Variants in AFAP1L2 observed in about 807,000 individuals in gnomAD.
The protein encoded by AFAP1L2 is actin filament-associated protein 1-like 2.
AFAP1L2 carries 46 observed loss-of-function variants against 99.3 expected under a neutral mutation model. The ratio of observed to expected loss-of-function variants is 0.46; its 90% CI spans 0.37 to 0.59. The LOEUF (loss-of-function observed/expected upper bound fraction) is 0.59. Among genes scored for constraint, AFAP1L2 ranks in the 20% least tolerant of loss-of-function variants. AFAP1L2 has a pLI of 0.00. For missense variants in AFAP1L2, 959 were observed against 1,034.9 expected, an observed-to-expected ratio of 0.93 and a Z score of 1.01; for synonymous variants, 397 against 419.1, an observed-to-expected ratio of 0.95 and a Z score of 0.64.
At chr10:114,287,194 C>A in the AFAP1L2 span, among the ~76,000 whole-genome samples, 3 of 151,916 alleles carry the variant, frequency 2.0e-5, no homozygotes, top group Non-Finnish European at 2.9e-5. Context: ...TCTTTTTTTT[C>A]TTTTGAGACA....
chr10:114,290,324 G>C (rs1485055230), downstream of AFAP1L2: 7 of 1,550,616 alleles, frequency 4.5e-6, no homozygotes, highest in Admixed American at 5.9e-5. Flanking sequence ...AGCTACCGCT[G>C]CAAGTGTCGG....
At chr10:114,323,498 C>A (rs2045721986) in intron 4 of AFAP1L2, among the ~76,000 whole-genome samples, 2 of 152,326 alleles carry the variant, frequency 1.3e-5, no homozygotes, top group South Asian at 4.1e-4. Context: ...CAAGACTCAG[C>A]TTTCTCCCCT....
chr10:114,322,070 T>A (rs1412056048), intron 5 of AFAP1L2, among the ~76,000 whole-genome samples: 1 of 152,174 alleles, frequency 6.6e-6, no homozygotes, highest in African/African-American at 2.4e-5. Context: ...TCTGACGGTT[T>A]TATAAAGGGG....
chr10:114,311,780 C>T (rs961094856), intron 7 of AFAP1L2, among the ~76,000 whole-genome samples: 11 of 152,306 alleles, frequency 7.2e-5, no homozygotes, highest in South Asian at 6.2e-4. Flanking sequence ...TTACTGGGAC[C>T]GTCGTCCCAT....
chr10:114,327,457 T>C (rs375720018), intron 4 of AFAP1L2, among the ~76,000 whole-genome samples: 19 of 151,818 alleles, frequency 1.3e-4, no homozygotes, highest in Admixed American at 9.2e-4. Context: ...TAAATGAAGA[T>C]CCAGAAGAGA....
intron 2 of AFAP1L2, among the ~76,000 whole-genome samples, chr10:114,338,748 C>T (rs905035282): frequency 1.3e-5 from 2 of 152,144 alleles, no homozygotes; most frequent in South Asian, 2.1e-4. Context: ...TTGTGTTGGG[C>T]GGCTGGGAAT....
chr10:114,288,846 C>T, the AFAP1L2 span: 5 of 1,425,852 alleles, frequency 3.5e-6, no homozygotes, highest in Non-Finnish European at 4.8e-6. Flanking sequence ...CCTGGCTGAC[C>T]TTGGTCCTAC....
intron 5 of AFAP1L2, among the ~76,000 whole-genome samples, chr10:114,322,659 G>C (rs533394036): frequency 9.2e-5 from 14 of 152,162 alleles, no homozygotes; most frequent in Non-Finnish European, 2.1e-4. Context: ...CTGTTTATTT[G>C]TTGTCTGTTT....
intron 2 of AFAP1L2, among the ~76,000 whole-genome samples, chr10:114,335,395 G>A (rs537551697): frequency 1.2e-4 from 18 of 151,992 alleles, no homozygotes; most frequent in East Asian, 5.8e-4. Context: ...GGCGGATCAC[G>A]AGGTCAGGAG....
chr10:114,332,693 A>C (rs2047412617), intron 3 of AFAP1L2, among the ~76,000 whole-genome samples: 1 of 152,212 alleles, frequency 6.6e-6, no homozygotes, highest in Non-Finnish European at 1.5e-5. Flanking sequence ...TGGAGGTTTT[A>C]AGGGAAAAGC....
rs541583233 is a variant in AFAP1L2, at chr10:114,341,363, C to T, written c.17-632G>A. 9.2e-5 allele frequency among the ~76,000 whole-genome samples: 14 copies of T among 152,298 alleles called. No individual in the cohort carries two copies. The South Asian group carries it at 2.5e-3, about 27-fold the overall frequency. ...GCACAGTGGCTCACACCTGTAATCC[C>T]AGCACTTTGGGAGGCTGAGGCGGGT... is the stretch of plus-strand genomic sequence containing the variant. On this transcript the variant is annotated intron_variant, in intron 1 of 18. Coordinates refer to ENST00000304129, the MANE Select transcript of AFAP1L2 (RefSeq NM_001001936.3).
chr10:114,300,428 G>A lies in AFAP1L2; in HGVS notation c.1788+17C>T. The A allele has an allele frequency of 6.8e-7, 1 of 1,479,576 alleles. No individual in the cohort carries two copies. Among genetic ancestry groups the A allele is most frequent in the Non-Finnish European group, 8.9e-7 (1 of 1,120,826 alleles). The allele number at this position is 1,479,576 out of a possible 1,614,324, so 91.7% of individuals were successfully genotyped here. A position where few individuals can be genotyped will look rare whatever the true frequency, so the allele number is the denominator to read the frequency against. On this transcript the variant is annotated intron_variant, in intron 14 of 18. Coordinates refer to ENST00000304129, the MANE Select transcript of AFAP1L2 (RefSeq NM_001001936.3). ...CGCAGGAAGGTGGTCTTGCTGTCCTGCAGGGGAGGCCTGTACCTGTTCTCC... is the reference window on the plus strand; with the variant it reads ...CGCAGGAAGGTGGTCTTGCTGTCCTACAGGGGAGGCCTGTACCTGTTCTCC...
chr10:114,295,926 A>G lies in AFAP1L2; in HGVS notation c.*116T>C. ...TGAAGCTCTCCATTCACAGTACCTC[A>G]GTCTTTGCTTTTTCTTCTAAACAGA... On this transcript the variant is annotated 3_prime_UTR_variant, in exon 19 of 19. Transcript: ENST00000304129. 1 of 1,595,492 alleles carries G rather than the reference A, an allele frequency of 6.3e-7. No homozygotes were observed. Among genetic ancestry groups the G allele is most frequent in the Non-Finnish European group, 8.6e-7 (1 of 1,169,420 alleles).
At chr10:114,403,639 C>A (rs1468619400) in intron 1 of AFAP1L2, among the ~76,000 whole-genome samples, 4 of 152,160 alleles carry the variant, frequency 2.6e-5, no homozygotes, top group African/African-American at 9.7e-5. Flanking sequence ...GAACCGCAAT[C>A]GAGACTTGTA....
intron 1 of AFAP1L2, among the ~76,000 whole-genome samples, chr10:114,378,223 A>G (rs1242750556): frequency 1.3e-5 from 2 of 152,232 alleles, no homozygotes; most frequent in Non-Finnish European, 2.9e-5. Flanking sequence ...TGTTTCTAAA[A>G]TAAGCATTAG....
At chr10:114,340,802 G>C in intron 1 of AFAP1L2, 71 bp from the exon 2 acceptor site, 2 of 1,603,950 alleles carry the variant, frequency 1.2e-6, no homozygotes, top group South Asian at 2.2e-5. Flanking sequence ...ATACACCTCG[G>C]GACCCTGCAG....
Position 114,347,706 on chromosome 10 carries a change from G to A in AFAP1L2, c.17-6975C>T, listed in dbSNP as rs764469710. Among the ~76,000 whole-genome samples, 10 of 152,202 alleles carry A rather than the reference G, an allele frequency of 6.6e-5. No individual in the cohort carries two copies. The East Asian group carries it at 1.7e-3, about 26-fold the overall frequency. ...TTAAATTTTTTGTAGAGACAGAGTC[G>A]TGCTATGTAGCCCAGGCTGGTCTTG... On this transcript the variant is annotated intron_variant, in intron 1 of 18. Coordinates refer to ENST00000304129, the MANE Select transcript of AFAP1L2 (RefSeq NM_001001936.3).
intron 1 of AFAP1L2, among the ~76,000 whole-genome samples, chr10:114,354,078 C>A (rs1276498258): frequency 6.6e-6 from 1 of 152,138 alleles, no homozygotes; most frequent in Non-Finnish European, 1.5e-5. Context: ...AATGCCATCC[C>A]GGAACCTTCG....
chr10:114,349,131 A>G (rs1435240048), intron 1 of AFAP1L2, among the ~76,000 whole-genome samples: 1 of 152,136 alleles, frequency 6.6e-6, no homozygotes. Context: ...TAACCCCAGC[A>G]CTTTGGGAGG....
Sources: allele counts gnomAD v4.1 joint callset (sites outside exome capture counted in the v4.1 genomes callset), GRCh38; gene constraint gnomAD v4.1.1; transcripts MANE v1.5; gene names NCBI Gene and HGNC (gene_info 2026-07-23, HGNC 2026-07-21).